The following TMPRSS7 variants were observed in gnomAD, a reference collection of about 807,000 sequenced individuals.
TMPRSS7 encodes the protein transmembrane serine protease 7, also known as transmembrane protease serine 7.
Under a neutral mutation model 95.6 loss-of-function variants are expected in TMPRSS7, and 81 were observed. The ratio of observed to expected loss-of-function variants is 0.85; its 90% confidence interval spans 0.71 to 1.02. The LOEUF is 1.02. TMPRSS7 is among the 50% of genes least tolerant of loss of function. The pLI is 0.00. For missense variants in TMPRSS7, 945 were observed against 955.2 expected, an observed-to-expected ratio of 0.99 and a Z score of 0.14; for synonymous variants, 364 against 337.8, an observed-to-expected ratio of 1.08 and a Z score of -0.85.
intron 7 of TMPRSS7, 105 bp downstream of exon 7, chr3:112,048,072 T>G: frequency 9.6e-7 from 1 of 1,039,292 alleles, no homozygotes. Flanking sequence ...AGTTTTTGTG[T>G]GCACACATGA....
Position 112,071,728 on chromosome 3 carries a change from T to G in TMPRSS7, c.1667-2568T>G, listed in dbSNP as rs149239634. Among the ~76,000 whole-genome samples, 1,049 of 152,338 alleles carry G rather than the reference T, an allele frequency of 6.9e-3. 6 individuals carry two copies. The highest frequency in any genetic ancestry group is 0.024 in the African/African-American group (1,002 of 41,582). On this transcript the variant is annotated intron_variant, in intron 13 of 17. Transcript: ENST00000452346. ...CAGTCACTGATACCCTTTCTTCCAC[T>G]TGATGGAATCAGCTACTGAAGCTTG...
At chr3:112,065,463 T>C (rs1322765118) in intron 12 of TMPRSS7, among the ~76,000 whole-genome samples, 4 of 152,262 alleles carry the variant, frequency 2.6e-5, no homozygotes, top group African/African-American at 9.6e-5. Flanking sequence ...CATTATATAA[T>C]GACTGAGTTT....
At chr3:112,075,372 C>A in exon 15 of TMPRSS7, 2 of 1,509,124 alleles carry the variant, frequency 1.3e-6, no homozygotes, top group Non-Finnish European at 1.8e-6. Flanking sequence ...GGCACAGACA[C>A]CCTGGAGGGG....
chr3:112,051,687 C>CTATT (rs2073360690), intron 9 of TMPRSS7, among the ~76,000 whole-genome samples: 2 of 151,394 alleles, frequency 1.3e-5, no homozygotes, highest in African/African-American at 2.4e-5. Flanking sequence ...ATCTATCTAT[C>CTATT]TATCTATCTC....
At chr3:112,050,269 G>A (rs1323104987) in intron 8 of TMPRSS7, among the ~76,000 whole-genome samples, 11 of 152,134 alleles carry the variant, frequency 7.2e-5, no homozygotes, top group Non-Finnish European at 1.6e-4. Context: ...CTAAGGCTGG[G>A]TGAACAAAGG....
At chr3:112,045,838 G>A in exon 5 of TMPRSS7, 1 of 1,551,816 alleles carries the variant, frequency 6.4e-7, no homozygotes. Flanking sequence ...TGAAGACTGT[G>A]TTGCCGCCAT....
At chr3:112,045,499 G>A (rs1370488616) in intron 4 of TMPRSS7, among the ~76,000 whole-genome samples, 2 of 152,216 alleles carry the variant, frequency 1.3e-5, no homozygotes, top group African/African-American at 4.8e-5. Context: ...CATAGAAATA[G>A]CATATTCTCC....
At chr3:112,059,297 T>A (rs1364083720) in intron 10 of TMPRSS7, among the ~76,000 whole-genome samples, 1 of 152,242 alleles carries the variant, frequency 6.6e-6, no homozygotes, top group Non-Finnish European at 1.5e-5. Flanking sequence ...CACGTCTTTA[T>A]GTCTTAGTTT....
rs1414640482 is a variant in TMPRSS7 at position 112,057,126 on chromosome 3, G to C, written c.1305G>C (p.Glu435Asp). ...AGCATGGATGGTGGGAAATTAATGA[G>C]CACATGTAAGTGATTTTCATATGTT... The change falls in exon 10 of 18, where the codon GAG becomes GAC. Residue 435 changes from glutamate (E) to aspartate (D), a missense_variant. Transcript: ENST00000452346. 8 of 1,602,322 alleles carry C rather than the reference G, an allele frequency of 5.0e-6. No individual in the cohort carries two copies. Among genetic ancestry groups the C allele is most frequent in the Non-Finnish European group, 6.8e-6 (8 of 1,170,342 alleles).
At chr3:112,081,175 G>A (rs936326702), downstream of TMPRSS7, 6 of 1,303,710 alleles carry the variant, frequency 4.6e-6, no homozygotes, top group African/African-American at 6.1e-5. Context: ...GCTCACACCT[G>A]TAATCCCAGC....
At chr3:112,080,266 GAT>G (rs1377107678) in intron 17 of TMPRSS7, among the ~76,000 whole-genome samples, 4 of 152,168 alleles carry the variant, frequency 2.6e-5, no homozygotes, top group African/African-American at 9.7e-5. Flanking sequence ...GAGGAATTGA[GAT>G]ATCAGAAAGG....
At chr3:112,054,961 G>A (rs936147431) in intron 9 of TMPRSS7, among the ~76,000 whole-genome samples, 2 of 151,936 alleles carry the variant, frequency 1.3e-5, no homozygotes, top group East Asian at 1.9e-4. Flanking sequence ...GGATGGTCTC[G>A]ATCTCCTGAC....
rs1264400778 is a variant in TMPRSS7 at position 112,075,378 on chromosome 3, A to AG, written c.1847dup (p.Trp617LeufsTer71). On this transcript the variant is annotated frameshift_variant, in exon 15 of 18. Coordinates refer to ENST00000452346, the Ensembl canonical transcript of TMPRSS7. LOFTEE classifies it high-confidence loss of function. Reference sequence around the variant, plus strand: ...ATCATCGGAGGCACAGACACCCTGGAGGGGGGTTGGCCGTGGCAGGTCAGC... The same window carrying AG: ...ATCATCGGAGGCACAGACACCCTGGAGGGGGGGTTGGCCGTGGCAGGTCAGC... The AG allele has an allele frequency of 4.0e-6, 6 of 1,517,560 alleles. No individual in the cohort carries two copies. The highest frequency in any genetic ancestry group is 5.3e-6 in the Non-Finnish European group (6 of 1,129,656). 94.0% of individuals were successfully genotyped at this position (1,517,560 alleles called of 1,614,324 possible). A position where few individuals can be genotyped will look rare whatever the true frequency, so the allele number is the denominator to read the frequency against.
intron 4 of TMPRSS7, 53 bp from the exon 5 acceptor site, chr3:112,045,697 C>A: frequency 6.8e-7 from 1 of 1,470,452 alleles, no homozygotes; most frequent in South Asian, 1.4e-5. Flanking sequence ...CTGGGTATTT[C>A]TTCTCTGTAA....
At chr3:112,065,100 G>T (rs2073557312) in intron 12 of TMPRSS7, among the ~76,000 whole-genome samples, 1 of 152,140 alleles carries the variant, frequency 6.6e-6, no homozygotes, top group Non-Finnish European at 1.5e-5. Context: ...GAGAGCAGTG[G>T]TGTGATCATA....
intron 9 of TMPRSS7, 96 bp downstream of exon 9, chr3:112,050,879 T>C (rs1384094682): frequency 2.0e-5 from 12 of 607,614 alleles, no homozygotes. Flanking sequence ...GAATATTGCT[T>C]AATTTTATAA....
In TMPRSS7 at chr3:112,069,139, A is replaced by G. The variant is rs186393417; in HGVS notation, c.1666+2637A>G. The stretch of plus-strand genomic sequence containing the variant: ...ATGGATTATGTTTAGTGATTTGTGT[A>G]TGTTGAACCAGCCTTGTGTCCCAAA... On this transcript the variant is annotated intron_variant, in intron 13 of 17. Coordinates refer to ENST00000452346, the Ensembl canonical transcript of TMPRSS7. Among the ~76,000 whole-genome samples the G allele has an allele frequency of 7.7e-4, 118 of 152,278 alleles. 1 individual carries two copies. Among genetic ancestry groups the G allele is most frequent in the Non-Finnish European group, 1.2e-4 (8 of 68,012 alleles).
chr3:112,076,763 A>G, intron 15 of TMPRSS7, 113 bp from the exon 16 acceptor site: 1 of 1,258,590 alleles, frequency 7.9e-7, no homozygotes, highest in Non-Finnish European at 1.1e-6. Flanking sequence ...CTATAATAAC[A>G]CCCTGGAAGT....
At chr3:112,055,450 C>T (rs1251448369) in intron 9 of TMPRSS7, among the ~76,000 whole-genome samples, 11 of 94,804 alleles carry the variant, frequency 1.2e-4, no homozygotes, top group Non-Finnish European at 2.5e-4. Context: ...CAAACACTTG[C>T]GCAGACACAC....
Sources: gnomAD v4.1 joint callset for allele counts (sites outside exome capture counted in the v4.1 genomes callset) on GRCh38, gnomAD v4.1.1 for gene constraint, MANE v1.5 for transcripts, NCBI Gene and HGNC (gene_info 2026-07-23, HGNC 2026-07-21) for gene names.